The following PLXNC1 variants were observed in gnomAD, a reference collection of about 807,000 sequenced individuals.
The protein encoded by PLXNC1 is plexin C1.
Under a neutral mutation model 178.2 loss-of-function variants are expected in PLXNC1, and 75 were observed. That is an observed-to-expected ratio of 0.42 (90% CI 0.35 to 0.51). The LOEUF (loss-of-function observed/expected upper bound fraction) is 0.51, where lower values mean the gene tolerates loss of function less well. Ranked by LOEUF, PLXNC1 falls within the 20% of genes least tolerant of loss-of-function variation. The pLI is 0.02. For synonymous variants in PLXNC1, 790 were observed against 779.9 expected (o/e 1.01, Z -0.22); for missense variants, 1,503 against 1,984.4 (o/e 0.76, Z 4.61).
intron 9 of PLXNC1, among the ~76,000 whole-genome samples, chr12:94,235,585 G>A (rs2085947112): frequency 1.3e-5 from 2 of 152,126 alleles, no homozygotes; most frequent in Admixed American, 1.3e-4. Context: ...GAAGACAGTG[G>A]ACTCCTCTAG....
chr12:94,279,234 A>G (rs982262191), intron 21 of PLXNC1, among the ~76,000 whole-genome samples: 32 of 152,154 alleles, frequency 2.1e-4, no homozygotes, highest in African/African-American at 7.7e-4. Context: ...TTTTACTCTC[A>G]GATATATTTA....
rs762071760 is a variant in PLXNC1 at position 94,149,883 on chromosome 12, C to T, written c.912C>T (p.Asp304=). The change falls in exon 1 of 31, where the codon GAC becomes GAT. Residue 304 remains aspartate, a synonymous_variant. Transcript: ENST00000258526. The part of the protein sequence containing the change: ...LLSSSLVEAL[D]VWAGVFSAAA... ...CCTCCAGCCTAGTGGAGGCCCTGGA[C>T]GTCTGGGCGGGAGTGTTCAGCGCGG... is the stretch of plus-strand genomic sequence containing the variant. 2.0e-5 allele frequency: 32 copies of T among 1,587,804 alleles called. No individual in the cohort carries two copies. Among genetic ancestry groups the T allele is most frequent in the Admixed American group, 1.4e-4 (8 of 56,492 alleles).
In PLXNC1 at chr12:94,254,676, T is replaced by C. The variant is rs1416690207; in HGVS notation, c.2882-111T>C. On this transcript the variant is annotated intron_variant, in intron 15 of 30. Transcript: ENST00000258526. ...CATTCTAGCTCCTGCTCTCTGTCCC[T>C]ATCTGTTTTGTTTTTGTTTTTGTTT... 15 of 729,020 alleles carry C rather than the reference T, an allele frequency of 2.1e-5. No homozygotes were observed. The East Asian group carries it at 4.0e-4, about 19-fold the overall frequency. The allele number at this position is 729,020 out of a possible 1,614,324, so 45.2% of individuals were successfully genotyped here.
intron 21 of PLXNC1, chr12:94,272,216 T>G (rs1193829851): frequency 1.3e-5 from 2 of 152,356 alleles, no homozygotes; most frequent in East Asian, 3.9e-4. Context: ...AGACCCAAGA[T>G]GTCTGTGGCT....
At chr12:94,274,668 A>C (rs977795082) in intron 21 of PLXNC1, among the ~76,000 whole-genome samples, 1 of 152,222 alleles carries the variant, frequency 6.6e-6, no homozygotes, top group Non-Finnish European at 1.5e-5. Flanking sequence ...TCTGGGTATT[A>C]TGCCATCCCA....
intron 9 of PLXNC1, among the ~76,000 whole-genome samples, chr12:94,232,270 G>A (rs1445063844): frequency 1.3e-5 from 2 of 152,252 alleles, no homozygotes; most frequent in East Asian, 1.9e-4. Flanking sequence ...CCAATTTTTA[G>A]TAGAGACAGG....
At chr12:94,229,960 T>C (rs1411491056) in intron 9 of PLXNC1, among the ~76,000 whole-genome samples, 1 of 152,242 alleles carries the variant, frequency 6.6e-6, no homozygotes, top group Non-Finnish European at 1.5e-5. Flanking sequence ...CCAGTTTCCT[T>C]CAATAGTACT....
At chr12:94,187,758 T>G (rs1962571290) in intron 4 of PLXNC1, among the ~76,000 whole-genome samples, 1 of 152,326 alleles carries the variant, frequency 6.6e-6, no homozygotes, top group African/African-American at 2.4e-5. Flanking sequence ...AATAGCCACA[T>G]GGAGCTAGCG....
In PLXNC1 at chr12:94,305,872, C is replaced by T. The variant is rs1185716862; in HGVS notation, c.*587C>T. 6.6e-6 allele frequency: 1 copy of T among 152,144 alleles called. No homozygotes were observed. Among genetic ancestry groups the T allele is most frequent in the Non-Finnish European group, 1.5e-5 (1 of 68,036 alleles). 9.4% of individuals were successfully genotyped at this position (152,144 alleles called of 1,614,324 possible). A position where few individuals can be genotyped will look rare whatever the true frequency, so the allele number is the denominator to read the frequency against. Reference sequence around the variant, plus strand: ...AAACCAAAAACTAACAGTGTTGCAACATTGTTGAAAGGGCTCGTGTTTTTC... The same window carrying T: ...AAACCAAAAACTAACAGTGTTGCAATATTGTTGAAAGGGCTCGTGTTTTTC... On this transcript the variant is annotated 3_prime_UTR_variant, in exon 31 of 31. Transcript: ENST00000258526.
intron 6 of PLXNC1, 29 bp downstream of exon 6, chr12:94,220,192 T>A (rs1336313213): frequency 1.9e-6 from 3 of 1,601,038 alleles, no homozygotes; most frequent in African/African-American, 2.7e-5. Context: ...GTTATTTTTG[T>A]TATAAAATCA....
intron 4 of PLXNC1, among the ~76,000 whole-genome samples, chr12:94,206,256 CT>C (rs1352925528): frequency 1.9e-3 from 269 of 140,824 alleles, no homozygotes; most frequent in African/African-American, 3.2e-3. Context: ...AGGTTTGGAA[CT>C]TTTTTTTTTT....
intron 4 of PLXNC1, among the ~76,000 whole-genome samples, chr12:94,199,375 C>G (rs1487188405): frequency 1.3e-5 from 2 of 152,204 alleles, no homozygotes; most frequent in Admixed American, 6.5e-5. Flanking sequence ...GGGATGGCCC[C>G]TCCTTCTCGT....
At chr12:94,284,086 GGAAAAAA>G (rs902082449) in intron 23 of PLXNC1, among the ~76,000 whole-genome samples, 1 of 111,644 alleles carries the variant, frequency 9.0e-6, no homozygotes, top group African/African-American at 3.4e-5. Context: ...CCATGTCAGG[GGAAAAAA>G]AAAAAAAAAA....
At chr12:94,226,921 G>A (rs553441045) in intron 8 of PLXNC1, among the ~76,000 whole-genome samples, 39 of 152,296 alleles carry the variant, frequency 2.6e-4, no homozygotes, top group Non-Finnish European at 4.1e-4. Flanking sequence ...TACTCGGGAG[G>A]CTGAGGCAGG....
intron 22 of PLXNC1, chr12:94,281,981 G>C (rs529511558): frequency 3.3e-6 from 1 of 300,330 alleles, no homozygotes; most frequent in African/African-American, 2.2e-5. Context: ...GGGCACACAA[G>C]TGTGAGCATA....
intron 3 of PLXNC1, among the ~76,000 whole-genome samples, chr12:94,182,846 T>C (rs1962363588): frequency 6.6e-6 from 1 of 151,804 alleles, no homozygotes; most frequent in African/African-American, 2.4e-5. Context: ...AAATAACTTG[T>C]TCAAGAATAT....
intron 17 of PLXNC1, chr12:94,256,051 C>G (rs1379592750): frequency 6.6e-6 from 1 of 152,300 alleles, no homozygotes; most frequent in African/African-American, 2.4e-5. Flanking sequence ...ATCATCACTG[C>G]CATGTCCTGA....
intron 7 of PLXNC1, among the ~76,000 whole-genome samples, chr12:94,224,850 T>C (rs1373329200): frequency 1.3e-5 from 2 of 152,134 alleles, no homozygotes; most frequent in East Asian, 3.9e-4. Context: ...GAGGTTGCAG[T>C]GAGCCGGGAT....
chr12:94,254,972 C>T, intron 16 of PLXNC1, 84 bp downstream of exon 16: 1 of 1,125,194 alleles, frequency 8.9e-7, no homozygotes, highest in Non-Finnish European at 1.3e-6. Context: ...GAGATGGCCA[C>T]AGTAATGAGA....
Sources: gnomAD v4.1 joint callset for allele counts (sites outside exome capture counted in the v4.1 genomes callset) on GRCh38, gnomAD v4.1.1 for gene constraint, MANE v1.5 for transcripts, NCBI Gene and HGNC (gene_info 2026-07-23, HGNC 2026-07-21) for gene names.